Variants in SLIT1 observed in about 807,000 individuals in gnomAD.
SLIT1 encodes slit guidance ligand 1.
Under a neutral mutation model 186.1 loss-of-function variants are expected in SLIT1, and 66 were observed. That is an observed-to-expected ratio of 0.35 (90% CI 0.29 to 0.44). The LOEUF (loss-of-function observed/expected upper bound fraction) is 0.44. Among genes scored for constraint, SLIT1 ranks in the 20% least tolerant of loss-of-function variants. SLIT1 has a pLI of 1.00. For synonymous variants in SLIT1, 761 were observed against 833.8 expected (o/e 0.91, Z 1.50); for missense variants, 1,638 against 2,037.4 (o/e 0.80, Z 3.77).
rs1848837362 is a variant in SLIT1, at chr10:97,056,480, G to A, written c.1158-16C>T. 1.2e-6 allele frequency: 2 copies of A among 1,613,826 alleles called. No homozygotes were observed. Among genetic ancestry groups the A allele is most frequent in the Non-Finnish European group, 1.7e-6 (2 of 1,179,798 alleles). ...ATTCAGGAGCCTGTGGGCAGAGCCA[G>A]GACCAAGTGGTGAGGAGAGAGGCTC... On this transcript the variant is annotated splice_polypyrimidine_tract_variant and intron_variant, in intron 12 of 36. Coordinates refer to ENST00000266058, the MANE Select transcript of SLIT1 (RefSeq NM_003061.3).
intron 1 of SLIT1, among the ~76,000 whole-genome samples, chr10:97,175,903 C>A (rs1301696528): frequency 6.6e-6 from 1 of 152,196 alleles, no homozygotes; most frequent in East Asian, 1.9e-4. Context: ...TACCAGCCTG[C>A]AACATGGGTG....
intron 4 of SLIT1, among the ~76,000 whole-genome samples, chr10:97,109,839 G>A (rs1849449026): frequency 6.6e-6 from 1 of 152,148 alleles, no homozygotes; most frequent in African/African-American, 2.4e-5. Flanking sequence ...GGTGCAAGCT[G>A]AGCCAGCGGG....
rs535449226 is a variant in SLIT1, at chr10:97,078,318, C to T, written c.414-12232G>A. ...GCTGGAGAGGTGCGCCCCTTCCCTG[C>T]CCACCGCGAAGCCACAAACCCTCCT... On this transcript the variant is annotated intron_variant, in intron 4 of 36. Transcript: ENST00000266058. 9.9e-4 allele frequency among the ~76,000 whole-genome samples: 151 copies of T among 152,118 alleles called. 1 individual carries two copies. Among genetic ancestry groups the T allele is most frequent in the African/African-American group, 3.5e-3 (144 of 41,482 alleles).
chr10:97,009,492 T>C (rs1037979898), intron 31 of SLIT1, among the ~76,000 whole-genome samples: 4 of 152,100 alleles, frequency 2.6e-5, no homozygotes, highest in Admixed American at 6.5e-5. Flanking sequence ...TCAAAATGGA[T>C]CAATGACCTA....
Position 97,049,084 on chromosome 10 carries a change from T to C in SLIT1, c.1336A>G (p.Asn446Asp), listed in dbSNP as rs757253587. Residue 446 changes from asparagine to aspartate, a missense_variant, in exon 14 of 37, where the codon AAC becomes GAC. By Grantham distance (23) the Asn-to-Asp change is conservative. Transcript: ENST00000266058. Reference sequence around the variant, plus strand: ...AGGAAGTCTGCCAGCCACTTGAGGTTACAGTCGCAAATGAAAGGGTTCTGC... The same window carrying C: ...AGGAAGTCTGCCAGCCACTTGAGGTCACAGTCGCAAATGAAAGGGTTCTGC... ...LAQNPFICDC[N>D]LKWLADFLRT... The C allele has an allele frequency of 2.5e-6, 4 of 1,613,730 alleles. No individual in the cohort carries two copies. The African/African-American group carries it at 5.3e-5, about 22-fold the overall frequency.
chr10:97,148,432 G>A (rs531966694), intron 4 of SLIT1, among the ~76,000 whole-genome samples: 1 of 151,120 alleles, frequency 6.6e-6, no homozygotes, highest in Non-Finnish European at 1.5e-5. Context: ...GGGACTACAG[G>A]TGCACATCAC....
chr10:97,060,416 G>C (rs1483716232), intron 9 of SLIT1, among the ~76,000 whole-genome samples: 1 of 152,240 alleles, frequency 6.6e-6, no homozygotes, highest in East Asian at 1.9e-4. Context: ...GCAGACTCAC[G>C]CAGCTGGGTG....
chr10:97,169,209 C>T (rs1367387274), intron 1 of SLIT1, among the ~76,000 whole-genome samples: 1 of 152,228 alleles, frequency 6.6e-6, no homozygotes, highest in Non-Finnish European at 1.5e-5. Flanking sequence ...CCAAGCCCAC[C>T]CCAGCCTGCC....
In SLIT1 at chr10:97,004,161, C is replaced by T. The variant is rs764610984; in HGVS notation, c.3772G>A (p.Val1258Met). 6.2e-6 allele frequency: 10 copies of T among 1,613,842 alleles called. No homozygotes were observed. Among genetic ancestry groups the T allele is most frequent in the Admixed American group, 1.7e-5 (1 of 60,018 alleles). ...TVELVAFDQMVNLSIDGGSPM... is the reference protein window; with the variant it reads ...TVELVAFDQMMNLSIDGGSPM... ...CTCCCGCCATCAATGGAGAGATTCACCATCTGGTCAAAGGCAACCAGCTCA... is the reference window on the plus strand; with the variant it reads ...CTCCCGCCATCAATGGAGAGATTCATCATCTGGTCAAAGGCAACCAGCTCA... The change falls in exon 34 of 37, where the codon GTG becomes ATG. Residue 1258 changes from valine (V) to methionine (M), a missense_variant. By Grantham distance (21) the Val-to-Met change is conservative. This residue lies in a region of SLIT1 where 173 missense variants were observed against 290.9 expected (regional missense o/e 0.59). Transcript: ENST00000266058. The surrounding 1 kb of genome is among the most constrained non-coding windows in gnomAD (Gnocchi z 5.1).
At chr10:97,049,542 G>A (rs1336923170) in intron 13 of SLIT1, among the ~76,000 whole-genome samples, 1 of 152,244 alleles carries the variant, frequency 6.6e-6, no homozygotes, top group African/African-American at 2.4e-5. Flanking sequence ...ACCCAGGACT[G>A]CAGGCGCCCA....
chr10:97,098,294 A>G (rs573920198), intron 4 of SLIT1, among the ~76,000 whole-genome samples: 1 of 152,334 alleles, frequency 6.6e-6, no homozygotes, highest in East Asian at 1.9e-4. Flanking sequence ...TTCTGTTCAC[A>G]AAAGTCCTAC....
chr10:97,089,551 C>T (rs574664571), intron 4 of SLIT1, among the ~76,000 whole-genome samples: 23 of 152,290 alleles, frequency 1.5e-4, no homozygotes, highest in Admixed American at 8.5e-4. Flanking sequence ...GACCTGCCCA[C>T]GGGGATGTGT....
chr10:97,032,789 T>C (rs957642508), intron 23 of SLIT1, among the ~76,000 whole-genome samples: 48 of 152,216 alleles, frequency 3.2e-4, no homozygotes, highest in African/African-American at 1.1e-3. Context: ...CTGTGGCACA[T>C]CCATGCCTGT....
chr10:97,089,527 T>C (rs114255824), intron 4 of SLIT1, among the ~76,000 whole-genome samples: 1 of 152,290 alleles, frequency 6.6e-6, no homozygotes, highest in African/African-American at 2.4e-5. Flanking sequence ...AAGATGAGTG[T>C]GAAGCCTGCA....
chr10:97,113,488 T>A (rs561309675), intron 4 of SLIT1, among the ~76,000 whole-genome samples: 2 of 152,062 alleles, frequency 1.3e-5, no homozygotes, highest in Admixed American at 6.5e-5. Flanking sequence ...TCCACCCACC[T>A]CAGCCTCCCA....
At position 97,184,010 on chromosome 10, in the gene SLIT1, C is replaced by A. The variant is rs545264030; in HGVS notation, c.197+1468G>T. Reference sequence around the variant, plus strand: ...ACACAAGCATTCACACACACACATACACATGCACCACACACACACACACAC... The same window carrying A: ...ACACAAGCATTCACACACACACATAAACATGCACCACACACACACACACAC... On this transcript the variant is annotated intron_variant, in intron 1 of 36. Coordinates refer to ENST00000266058, the MANE Select transcript of SLIT1 (RefSeq NM_003061.3). The surrounding 1 kb of genome is among the most constrained non-coding windows in gnomAD (Gnocchi z 4.4). Among the ~76,000 whole-genome samples, 57 of 131,396 alleles carry A rather than the reference C, an allele frequency of 4.3e-4. 1 individual carries two copies. The highest frequency in any genetic ancestry group is 1.6e-3 in the African/African-American group (56 of 34,148). The allele number at this position is 131,396 out of a possible 152,430, so 86.2% of individuals were successfully genotyped here. A position where few individuals can be genotyped will look rare whatever the true frequency, so the allele number is the denominator to read the frequency against.
At chr10:97,065,930 C>A (rs1036806294) in intron 5 of SLIT1, 85 bp downstream of exon 5, 2 of 1,021,732 alleles carry the variant, frequency 2.0e-6, no homozygotes, top group African/African-American at 3.2e-5. Context: ...CTGGACCACA[C>A]GGCTCGCTCA....
intron 20 of SLIT1, among the ~76,000 whole-genome samples, chr10:97,040,562 T>A (rs1304354436): frequency 3.3e-5 from 5 of 152,156 alleles, no homozygotes; most frequent in Admixed American, 1.3e-4. Flanking sequence ...TAGAGCCCAG[T>A]GCCTAGTGCA....
chr10:97,065,137 TACACACACACACACAC>T (rs55991572), intron 5 of SLIT1, among the ~76,000 whole-genome samples: 12 of 150,608 alleles, frequency 8.0e-5, no homozygotes, highest in South Asian at 2.1e-4. Flanking sequence ...GGCACCCCCC[TACACACACACACACAC>T]ACACACACAC....
Sources: gnomAD v4.1 joint callset for allele counts (sites outside exome capture counted in the v4.1 genomes callset) on GRCh38, gnomAD v4.1.1 for gene constraint, gnomAD v4.1.1 regional missense constraint, Gnocchi (gnomAD v3.1) non-coding constraint, MANE v1.5 for transcripts, NCBI Gene and HGNC (gene_info 2026-07-23, HGNC 2026-07-21) for gene names.